The following SLX9 variants were observed in gnomAD, a reference collection of about 807,000 sequenced individuals.
SLX9 encodes the protein ribosome biogenesis protein SLX9 homolog.
Under a neutral mutation model 20.8 loss-of-function variants are expected in SLX9, and 19 were observed. That is an observed-to-expected ratio of 0.91 (90% CI 0.64 to 1.34). SLX9 has a LOEUF of 1.34. Ranked by LOEUF, SLX9 falls within the 40% of genes most tolerant of loss-of-function variation. SLX9 has a pLI of 0.00. For missense variants in SLX9, 299 were observed against 322.2 expected (o/e 0.93, Z 0.55); for synonymous variants, 113 against 137.1 (o/e 0.82, Z 1.23).
chr21:44,974,000 G>T (rs1176808057), intron 5 of SLX9, among the ~76,000 whole-genome samples: 3 of 152,218 alleles, frequency 2.0e-5, no homozygotes, highest in African/African-American at 7.2e-5. Flanking sequence ...TCTGTGACTG[G>T]GCACTGCGGC....
chr21:44,955,415 A>G (rs541846438), intron 2 of SLX9, among the ~76,000 whole-genome samples: 1 of 152,182 alleles, frequency 6.6e-6, no homozygotes, highest in African/African-American at 2.4e-5. Flanking sequence ...CACTGCCTCT[A>G]CGTGAAGTTG....
At chr21:44,947,166 C>G (rs2084658399) in intron 2 of SLX9, among the ~76,000 whole-genome samples, 1 of 152,224 alleles carries the variant, frequency 6.6e-6, no homozygotes, top group East Asian at 1.9e-4. Flanking sequence ...TCCCTACCCC[C>G]ACCCCACCCC....
chr21:44,954,123 T>G (rs60625879), intron 2 of SLX9, among the ~76,000 whole-genome samples: 11,930 of 151,992 alleles, frequency 0.078, 1,512 homozygotes, highest in African/African-American at 0.27. Context: ...CCTTGTGGGG[T>G]GAGCTAACAC....
chr21:44,951,608 A>C (rs984689367), intron 2 of SLX9, among the ~76,000 whole-genome samples: 1 of 152,178 alleles, frequency 6.6e-6, no homozygotes, highest in Admixed American at 6.6e-5. Context: ...GCGCGTATGC[A>C]CACATTGCAG....
Position 44,947,710 on chromosome 21 carries a change from C to T in SLX9, c.283+3873C>T, listed in dbSNP as rs1398465965. Among the ~76,000 whole-genome samples, 4 of 152,282 alleles carry T rather than the reference C, an allele frequency of 2.6e-5. No individual in the cohort carries two copies. The South Asian group carries it at 6.2e-4, about 24-fold the overall frequency. Reference sequence around the variant, plus strand: ...TGCCCTGGAGCCTGCCTTACCCTTACGGGCATCCTGGGAGGGACCCTCTGA... The same window carrying T: ...TGCCCTGGAGCCTGCCTTACCCTTATGGGCATCCTGGGAGGGACCCTCTGA... On this transcript the variant is annotated intron_variant, in intron 2 of 5. Coordinates refer to ENST00000291634, the MANE Select transcript of SLX9 (RefSeq NM_058190.4).
intron 3 of SLX9, among the ~76,000 whole-genome samples, chr21:44,960,972 G>A (rs1401377457): frequency 6.6e-6 from 1 of 152,150 alleles, no homozygotes; most frequent in Non-Finnish European, 1.5e-5. Context: ...TTTCCTTGGA[G>A]GTTTTAAAGA....
At position 44,955,997 on chromosome 21, in the gene SLX9, C is replaced by T. The variant is rs376556958; in HGVS notation, c.284-4103C>T. On this transcript the variant is annotated intron_variant, in intron 2 of 5. Coordinates refer to ENST00000291634, the MANE Select transcript of SLX9 (RefSeq NM_058190.4). ...CCTTTGGAGGATATGGACGAGGTGT[C>T]TGCTGATGCGGACGCCAGCCTGCGG... is the stretch of plus-strand genomic sequence containing the variant. Among the ~76,000 whole-genome samples the T allele has an allele frequency of 2.6e-4, 40 of 152,380 alleles. No individual in the cohort carries two copies. The East Asian group carries it at 6.9e-3, about 26-fold the overall frequency.
chr21:44,957,063 G>C (rs1282626796), intron 2 of SLX9, among the ~76,000 whole-genome samples: 1 of 152,326 alleles, frequency 6.6e-6, no homozygotes, highest in African/African-American at 2.4e-5. Context: ...TTCTTGTCAG[G>C]GTTTTTAGGC....
chr21:44,943,372 C>T (rs746015778), intron 1 of SLX9, among the ~76,000 whole-genome samples: 16 of 152,136 alleles, frequency 1.1e-4, no homozygotes, highest in South Asian at 2.1e-4. Flanking sequence ...AAGAGTAAGA[C>T]GAAATGGTTG....
At chr21:44,946,661 C>T (rs1201418268) in intron 2 of SLX9, among the ~76,000 whole-genome samples, 1 of 152,220 alleles carries the variant, frequency 6.6e-6, no homozygotes, top group South Asian at 2.1e-4. Flanking sequence ...GTGGGAGGGG[C>T]GTTCTGAGCT....
At chr21:44,970,257 C>T (rs552675293) in intron 4 of SLX9, among the ~76,000 whole-genome samples, 7 of 152,346 alleles carry the variant, frequency 4.6e-5, no homozygotes, top group East Asian at 3.9e-4. Context: ...GTGTATGTGT[C>T]GCTCATGCGC....
chr21:44,948,394 G>A (rs896911992), intron 2 of SLX9, among the ~76,000 whole-genome samples: 1 of 150,382 alleles, frequency 6.6e-6, no homozygotes, highest in African/African-American at 2.5e-5. Flanking sequence ...AGCATCGGGC[G>A]GTCCGGGGAG....
At chr21:44,950,711 T>C (rs1187638651) in intron 2 of SLX9, among the ~76,000 whole-genome samples, 1 of 152,248 alleles carries the variant, frequency 6.6e-6, no homozygotes, top group Non-Finnish European at 1.5e-5. Context: ...GCTGAGGCAT[T>C]TGACTTGGAC....
At chr21:44,966,991 C>T (rs1377419012) in intron 3 of SLX9, 43 bp from the exon 4 acceptor site, 3 of 1,572,910 alleles carry the variant, frequency 1.9e-6, no homozygotes, top group East Asian at 4.7e-5. Flanking sequence ...TGGGCTCCTC[C>T]TCTGCCTCTT....
Position 44,960,067 on chromosome 21 carries a change from C to T in SLX9, c.284-33C>T, listed in dbSNP as rs150546240. ...AGGTCATGGGAGTGCCACCTGGACA[C>T]GTTTTGCTCACTCCCGTGTTCTCTT... On this transcript the variant is annotated intron_variant, in intron 2 of 5. Coordinates refer to ENST00000291634, the MANE Select transcript of SLX9 (RefSeq NM_058190.4). 1.8e-4 allele frequency: 284 copies of T among 1,606,654 alleles called. 1 individual carries two copies. Among genetic ancestry groups the T allele is most frequent in the Non-Finnish European group, 2.3e-4 (275 of 1,173,252 alleles).
intron 2 of SLX9, among the ~76,000 whole-genome samples, chr21:44,944,466 TAG>T (rs1298625275): frequency 3.9e-5 from 6 of 151,944 alleles, no homozygotes; most frequent in Admixed American, 3.9e-4. Context: ...TGAGGTGTTT[TAG>T]AGAGTTCCCG....
intron 3 of SLX9, among the ~76,000 whole-genome samples, chr21:44,961,446 G>T (rs1256743714): frequency 6.6e-6 from 1 of 152,194 alleles, no homozygotes; most frequent in Non-Finnish European, 1.5e-5. Context: ...AGATTAGGTG[G>T]TGTATGCCTC....
chr21:44,976,800 C>T lies in SLX9; in HGVS notation c.690C>T (p.Leu230=), dbSNP rs1430532119. The T allele has an allele frequency of 2.6e-6, 4 of 1,542,532 alleles. No homozygotes were observed. In the South Asian group the frequency reaches 4.8e-5, roughly 18 times the overall value. ...RQMQLEDGGQ[L] ...TGCAGCTGGAAGATGGCGGCCAGCT[C>T]TGACCAGGGCAGCGGGCATGCCACA... Residue 230 remains leucine, a synonymous_variant, in exon 6 of 6, where the codon CTC becomes CTT. Transcript: ENST00000291634.
At chr21:44,960,581 T>G (rs2084934821) in intron 3 of SLX9, among the ~76,000 whole-genome samples, 1 of 152,244 alleles carries the variant, frequency 6.6e-6, no homozygotes, top group Non-Finnish European at 1.5e-5. Flanking sequence ...TTTTTATGGT[T>G]CAGAAGTGCC....
Sources: allele counts gnomAD v4.1 joint callset (sites outside exome capture counted in the v4.1 genomes callset), GRCh38; gene constraint gnomAD v4.1.1; transcripts MANE v1.5; gene names NCBI Gene and HGNC (gene_info 2026-07-23, HGNC 2026-07-21).